The following EAF2 variants were observed in gnomAD, a reference collection of about 807,000 sequenced individuals.
EAF2 encodes ELL-associated factor 2.
In EAF2, 29 loss-of-function variants were observed where a neutral mutation model predicts 29.4. That is an observed-to-expected ratio of 0.99 (90% confidence interval 0.73 to 1.35). The LOEUF (loss-of-function observed/expected upper bound fraction) is 1.35, where lower values mean the gene tolerates loss of function less well. Ranked by LOEUF, EAF2 falls within the 40% of genes most tolerant of loss-of-function variation. The probability of loss-of-function intolerance (pLI) is 0.00; values close to 1 mark genes in which losing one functional copy is unlikely to be tolerated. For missense variants in EAF2, 292 were observed against 312.0 expected (o/e 0.94, Z 0.48); for synonymous variants, 103 against 102.5 (o/e 1.00, Z -0.03).
intron 5 of EAF2, among the ~76,000 whole-genome samples, chr3:121,879,620 C>CTTTTTT (rs3047611): frequency 6.9e-6 from 1 of 144,864 alleles, no homozygotes; most frequent in African/African-American, 2.5e-5. Flanking sequence ...TTCTTTCTTT[C>CTTTTTT]TTTTTTTTTT....
intron 2 of EAF2, among the ~76,000 whole-genome samples, chr3:121,852,043 T>C (rs1005535648): frequency 1.3e-5 from 2 of 152,192 alleles, no homozygotes; most frequent in Non-Finnish European, 2.9e-5. Context: ...GTAGAGATTA[T>C]GAAAGATTTG....
intron 1 of EAF2, among the ~76,000 whole-genome samples, chr3:121,840,053 G>A (rs1708381534): frequency 6.6e-6 from 1 of 151,254 alleles, no homozygotes; most frequent in Non-Finnish European, 1.5e-5. Context: ...ATTAGCGGTC[G>A]TGGTGGCGGG....
In EAF2 at chr3:121,872,529, A is replaced by G. The variant is rs1293336164; in HGVS notation, c.485-8A>G. The G allele has an allele frequency of 6.3e-7, 1 of 1,578,684 alleles. No individual in the cohort carries two copies. Among genetic ancestry groups the G allele is most frequent in the South Asian group, 1.2e-5 (1 of 85,920 alleles). On this transcript the variant is annotated splice_polypyrimidine_tract_variant and splice_region_variant and intron_variant, in intron 4 of 5. Transcript: ENST00000273668. Reference sequence around the variant, plus strand: ...TAACCTATCTATTCATTTCTGTCTTATTTTCAGAACTGAAGGCAGAAGCTA... The same window carrying G: ...TAACCTATCTATTCATTTCTGTCTTGTTTTCAGAACTGAAGGCAGAAGCTA...
chr3:121,844,074 T>G (rs747052336), intron 1 of EAF2, among the ~76,000 whole-genome samples: 25 of 152,026 alleles, frequency 1.6e-4, no homozygotes, highest in Non-Finnish European at 3.4e-4. Flanking sequence ...AAAGAAAAAT[T>G]TATTGGAAAA....
intron 4 of EAF2, among the ~76,000 whole-genome samples, chr3:121,865,924 C>T (rs1343306856): frequency 6.6e-6 from 1 of 152,156 alleles, no homozygotes; most frequent in Non-Finnish European, 1.5e-5. Context: ...ACCACTCTAC[C>T]TCCCAGACCT....
intron 1 of EAF2, among the ~76,000 whole-genome samples, chr3:121,841,449 G>A (rs1708422183): frequency 7.1e-6 from 1 of 139,886 alleles, no homozygotes; most frequent in Non-Finnish European, 1.5e-5. Context: ...ACGTTACAGT[G>A]AGCCGAAATC....
intron 5 of EAF2, among the ~76,000 whole-genome samples, chr3:121,877,884 T>C (rs1576657282): frequency 6.6e-6 from 1 of 152,060 alleles, no homozygotes; most frequent in Non-Finnish European, 1.5e-5. Context: ...GGGGCTCAAG[T>C]GATTCTCCTG....
intron 2 of EAF2, among the ~76,000 whole-genome samples, chr3:121,845,222 G>A (rs530282431): frequency 6.6e-5 from 10 of 152,134 alleles, no homozygotes; most frequent in Admixed American, 2.6e-4. Context: ...GGTGGATCAC[G>A]AGGTCAAGAG....
intron 1 of EAF2, chr3:121,837,487 C>T (rs1411767529): frequency 6.6e-6 from 1 of 152,166 alleles, no homozygotes; most frequent in East Asian, 1.9e-4. Flanking sequence ...TGGTCTCCAC[C>T]ACCTATATAT....
chr3:121,839,417 C>A (rs963425590), intron 1 of EAF2, among the ~76,000 whole-genome samples: 16 of 152,166 alleles, frequency 1.1e-4, no homozygotes, highest in African/African-American at 3.9e-4. Flanking sequence ...AGTTAAATGA[C>A]AACCATACCT....
chr3:121,841,958 A>G (rs1244196625), intron 1 of EAF2, among the ~76,000 whole-genome samples: 1 of 152,064 alleles, frequency 6.6e-6, no homozygotes, highest in Non-Finnish European at 1.5e-5. Flanking sequence ...GTGAGCTGAG[A>G]TCGCACCACT....
chr3:121,859,298 A>G lies in EAF2; in HGVS notation c.484+2142A>G, dbSNP rs527504042. Among the ~76,000 whole-genome samples the G allele has an allele frequency of 2.0e-4, 30 of 152,246 alleles. No individual in the cohort carries two copies. In the South Asian group the frequency reaches 6.2e-3, roughly 32 times the overall value. ...TTCACGATATTGACTCTTCCTATCC[A>G]TGAGCATGGAATGTTCTTCCATTTG... On this transcript the variant is annotated intron_variant, in intron 4 of 5. Transcript: ENST00000273668.
intron 2 of EAF2, among the ~76,000 whole-genome samples, chr3:121,845,966 ATAC>A (rs1708522602): frequency 6.6e-6 from 1 of 152,088 alleles, no homozygotes. Context: ...CTTTTCTTTT[ATAC>A]TGACTTTGTC....
chr3:121,835,234 G>T lies in EAF2; in HGVS notation c.-52G>T. The T allele has an allele frequency of 6.4e-7, 1 of 1,554,286 alleles. No homozygotes were observed. Among genetic ancestry groups the T allele is most frequent in the East Asian group, 2.2e-5 (1 of 44,550 alleles). ...AAGTGCAGCTGCTTCAGGCTGAGGT[G>T]GCAGATAGTGAGCGCTGGTGGCGGA... is the stretch of plus-strand genomic sequence containing the variant. On this transcript the variant is annotated 5_prime_UTR_variant, in exon 1 of 6. Transcript: ENST00000273668.
At chr3:121,849,645 T>TA (rs1264322894) in intron 2 of EAF2, among the ~76,000 whole-genome samples, 1 of 152,066 alleles carries the variant, frequency 6.6e-6, no homozygotes, top group African/African-American at 2.4e-5. Flanking sequence ...ATCCTACACT[T>TA]ATGAGGCTCC....
intron 1 of EAF2, among the ~76,000 whole-genome samples, chr3:121,841,504 C>CAAAAAAAAAAAAA (rs57868658): frequency 9.6e-4 from 25 of 25,980 alleles, no homozygotes; most frequent in Non-Finnish European, 1.3e-3. Context: ...GACCCTGTCT[C>CAAAAAAAAAAAAA]AAAAAAAAAA....
chr3:121,870,432 A>G (rs560392648), intron 4 of EAF2, among the ~76,000 whole-genome samples: 2 of 152,260 alleles, frequency 1.3e-5, no homozygotes, highest in South Asian at 4.1e-4. Context: ...TAAGTATCCA[A>G]ATGAATTTCA....
chr3:121,884,646 C>T (rs1301992067), intron 5 of EAF2, among the ~76,000 whole-genome samples: 7 of 152,004 alleles, frequency 4.6e-5, no homozygotes, highest in African/African-American at 1.7e-4. Context: ...AGGATGGTCT[C>T]AATCTCTTGA....
At chr3:121,854,646 T>G in intron 2 of EAF2, 41 bp from the exon 3 acceptor site, 1 of 1,448,588 alleles carries the variant, frequency 6.9e-7, no homozygotes, top group African/African-American at 1.5e-5. Context: ...AGTGAATTCC[T>G]ATGATAAATT....
Sources: gnomAD v4.1 joint callset for allele counts (sites outside exome capture counted in the v4.1 genomes callset) on GRCh38, gnomAD v4.1.1 for gene constraint, MANE v1.5 for transcripts, NCBI Gene and HGNC (gene_info 2026-07-23, HGNC 2026-07-21) for gene names.